The following MEGF9 variants were observed in gnomAD, a reference collection of about 807,000 sequenced individuals.
MEGF9 encodes the protein multiple EGF like domains 9, also known as multiple epidermal growth factor-like domains protein 9.
A neutral mutation model predicts 46.8 loss-of-function variants in MEGF9; 6 were observed. That is an observed-to-expected ratio of 0.13 (90% confidence interval 0.07 to 0.25). The LOEUF (loss-of-function observed/expected upper bound fraction) is 0.25. Ranked by LOEUF, MEGF9 falls within the 10% of genes least tolerant of loss-of-function variation. The pLI is 1.00. For synonymous variants in MEGF9, 302 were observed against 330.7 expected (o/e 0.91, Z 0.94); for missense variants, 683 against 792.4 (o/e 0.86, Z 1.66).
intron 1 of MEGF9, among the ~76,000 whole-genome samples, chr9:120,691,965 G>A (rs997912403): frequency 6.6e-6 from 1 of 152,104 alleles, no homozygotes; most frequent in African/African-American, 2.4e-5. Context: ...ACTGAATTGT[G>A]GCTATGTACC....
At chr9:120,630,342 G>T (rs2043545097) in intron 2 of MEGF9, among the ~76,000 whole-genome samples, 1 of 152,162 alleles carries the variant, frequency 6.6e-6, no homozygotes. Context: ...TGCCATGAAT[G>T]ATAGAATTTC....
chr9:120,631,218 C>T (rs1001652572), intron 2 of MEGF9, among the ~76,000 whole-genome samples: 1 of 152,186 alleles, frequency 6.6e-6, no homozygotes, highest in African/African-American at 2.4e-5. Flanking sequence ...TTCCCCAGCA[C>T]CACTTATTGA....
intron 3 of MEGF9, among the ~76,000 whole-genome samples, chr9:120,615,869 G>A (rs773673485): frequency 3.3e-5 from 5 of 151,856 alleles, no homozygotes; most frequent in East Asian, 1.9e-4. Flanking sequence ...ACTCCAGCCC[G>A]GGAAATAGAG....
intron 3 of MEGF9, among the ~76,000 whole-genome samples, chr9:120,614,918 C>CATAT (rs1260273955): frequency 6.6e-6 from 1 of 151,820 alleles, no homozygotes; most frequent in Non-Finnish European, 1.5e-5. Context: ...CCTTTATATA[C>CATAT]ATATATACAT....
chr9:120,667,777 G>C (rs2043731633), intron 1 of MEGF9, among the ~76,000 whole-genome samples: 1 of 152,222 alleles, frequency 6.6e-6, no homozygotes. Flanking sequence ...TGTAATCCCA[G>C]CACTTTGGGA....
intron 1 of MEGF9, among the ~76,000 whole-genome samples, chr9:120,679,952 AAAG>A (rs2043791022): frequency 6.6e-6 from 1 of 151,744 alleles, no homozygotes; most frequent in Non-Finnish European, 1.5e-5. Context: ...AAAAAAAAAA[AAAG>A]AGAGAGACTC....
intron 1 of MEGF9, among the ~76,000 whole-genome samples, chr9:120,713,464 TGC>T (rs1390042157): frequency 6.6e-6 from 1 of 152,140 alleles, no homozygotes; most frequent in Non-Finnish European, 1.5e-5. Context: ...CCCAAAAGTT[TGC>T]GCCCATTCTG....
At chr9:120,691,240 AG>A (rs2043846641) in intron 1 of MEGF9, among the ~76,000 whole-genome samples, 1 of 152,172 alleles carries the variant, frequency 6.6e-6, no homozygotes, top group African/African-American at 2.4e-5. Flanking sequence ...CTCTAGATTT[AG>A]CTCTAGCAAC....
chr9:120,713,460 A>G (rs866019246), intron 1 of MEGF9, among the ~76,000 whole-genome samples: 1 of 152,104 alleles, frequency 6.6e-6, no homozygotes, highest in Non-Finnish European at 1.5e-5. Flanking sequence ...CCAACCCAAA[A>G]GTTTGCGCCC....
chr9:120,619,712 T>G (rs183645061), intron 3 of MEGF9, among the ~76,000 whole-genome samples: 145 of 152,340 alleles, frequency 9.5e-4, no homozygotes, highest in South Asian at 4.3e-3. Context: ...TTAGAATTCT[T>G]TCCTTAGAAT....
At chr9:120,688,016 T>C (rs1284292631) in intron 1 of MEGF9, among the ~76,000 whole-genome samples, 1 of 152,120 alleles carries the variant, frequency 6.6e-6, no homozygotes, top group Non-Finnish European at 1.5e-5. Flanking sequence ...CATAAACAAA[T>C]ATCATCGTAC....
At chr9:120,691,523 C>A in intron 1 of MEGF9, 1 of 341,134 alleles carries the variant, frequency 2.9e-6, no homozygotes. Flanking sequence ...AAAAGCTCTT[C>A]ACCAAGATTA....
chr9:120,608,880 C>T (rs142593165), intron 4 of MEGF9, among the ~76,000 whole-genome samples: 1 of 152,320 alleles, frequency 6.6e-6, no homozygotes, highest in East Asian at 1.9e-4. Context: ...TGATTAAAGT[C>T]TTTCCAATCC....
intron 1 of MEGF9, among the ~76,000 whole-genome samples, chr9:120,687,947 A>G (rs1247302088): frequency 1.3e-5 from 2 of 152,076 alleles, no homozygotes; most frequent in Non-Finnish European, 2.9e-5. Flanking sequence ...CTTTTCAGAA[A>G]ACTTATTTCA....
intron 1 of MEGF9, chr9:120,689,777 A>C: frequency 3.2e-6 from 1 of 312,990 alleles, no homozygotes; most frequent in Non-Finnish European, 6.7e-6. Context: ...GACCCTAATA[A>C]ATTGGGCCCA....
intron 2 of MEGF9, among the ~76,000 whole-genome samples, chr9:120,652,380 G>A (rs2043656325): frequency 6.7e-6 from 1 of 149,504 alleles, no homozygotes. Context: ...GGGAGGCTGA[G>A]GTGGGAGGAT....
chr9:120,642,768 G>C (rs1209599216), intron 2 of MEGF9, among the ~76,000 whole-genome samples: 1 of 152,152 alleles, frequency 6.6e-6, no homozygotes, highest in Admixed American at 6.5e-5. Flanking sequence ...TAAAGTAATG[G>C]TCATGGTATA....
intron 1 of MEGF9, among the ~76,000 whole-genome samples, chr9:120,661,842 A>G (rs188277376): frequency 2.0e-5 from 3 of 152,208 alleles, no homozygotes; most frequent in African/African-American, 7.2e-5. Context: ...CAAGACCTTC[A>G]CTCCACCAGA....
At position 120,714,264 on chromosome 9, in the gene MEGF9, A is replaced by ACGGCGGCGG. The variant is rs369989873; in HGVS notation, c.86_94dup (p.Ala29_Ala31dup). ...ATTCCCCGCCGAGGCGGCTGAGGCG[A>ACGGCGGCGG]CGGCGGCGGCGGCGGCGGCGGCGGC... On this transcript the variant is annotated inframe_insertion, in exon 1 of 6. Coordinates refer to ENST00000373930, the MANE Select transcript of MEGF9 (RefSeq NM_001080497.3). The ACGGCGGCGG allele has an allele frequency of 1.6e-5, 20 of 1,238,480 alleles. No homozygotes were observed. Among genetic ancestry groups the ACGGCGGCGG allele is most frequent in the African/African-American group, 1.1e-4 (7 of 63,214 alleles). The allele number at this position is 1,238,480 out of a possible 1,614,324, so 76.7% of individuals were successfully genotyped here.
Sources: allele counts gnomAD v4.1 joint callset (sites outside exome capture counted in the v4.1 genomes callset), GRCh38; gene constraint gnomAD v4.1.1; transcripts MANE v1.5; gene names NCBI Gene and HGNC (gene_info 2026-07-23, HGNC 2026-07-21).